PARD3B: variants seen among roughly 807,000 people sequenced by gnomAD.
PARD3B encodes the protein par-3 family cell polarity regulator beta.
PARD3B carries 103 observed loss-of-function variants against 130.2 expected under a neutral mutation model. The observed-to-expected ratio is 0.79, with a 90% CI of 0.67 to 0.93. The LOEUF (loss-of-function observed/expected upper bound fraction) is 0.93, where lower values mean the gene tolerates loss of function less well. PARD3B is among the 40% of genes least tolerant of loss of function. PARD3B has a pLI of 0.00. For synonymous variants in PARD3B, 583 were observed against 553.2 expected (o/e 1.05, Z -0.76); for missense variants, 1,609 against 1,499.2 (o/e 1.07, Z -1.21).
chr2:205,433,290 T>G (rs938310632), intron 19 of PARD3B, among the ~76,000 whole-genome samples: 2 of 152,198 alleles, frequency 1.3e-5, no homozygotes. Flanking sequence ...CCCAGCACTT[T>G]GGGAGGCCAA....
intron 10 of PARD3B, among the ~76,000 whole-genome samples, chr2:205,157,825 G>T (rs1013330337): frequency 1.3e-5 from 2 of 152,112 alleles, no homozygotes; most frequent in African/African-American, 4.8e-5. Flanking sequence ...GCAGAAGGGA[G>T]ACCCACAAAG....
At chr2:205,510,941 C>T (rs544031572) in intron 21 of PARD3B, among the ~76,000 whole-genome samples, 48 of 152,258 alleles carry the variant, frequency 3.2e-4, no homozygotes, top group African/African-American at 1.1e-3. Flanking sequence ...AAGACCTTGC[C>T]TCATGGCCAC....
At chr2:205,499,431 C>A (rs2050074865) in intron 20 of PARD3B, among the ~76,000 whole-genome samples, 1 of 152,108 alleles carries the variant, frequency 6.6e-6, no homozygotes, top group South Asian at 2.1e-4. Context: ...AACCCCCACT[C>A]CCAAAGTTCA....
chr2:204,802,551 T>C (rs918395440), intron 2 of PARD3B, among the ~76,000 whole-genome samples: 1 of 152,162 alleles, frequency 6.6e-6, no homozygotes. Flanking sequence ...TGTATGTCTA[T>C]TGCAACACTA....
At position 205,067,768 on chromosome 2, in the gene PARD3B, T is replaced by C. The variant is rs60688208; in HGVS notation, c.504+20078T>C. On this transcript the variant is annotated intron_variant, in intron 4 of 22. Transcript: ENST00000406610. Reference sequence around the variant, plus strand: ...GCTATTTCTGTGTTTATTTAGATGATGCTATTTTTTCTTTTATCACTGAAA... The same window carrying C: ...GCTATTTCTGTGTTTATTTAGATGACGCTATTTTTTCTTTTATCACTGAAA... Among the ~76,000 whole-genome samples, 1,332 of 152,300 alleles carry C rather than the reference T, an allele frequency of 8.7e-3. 17 individuals are homozygous for C. Among genetic ancestry groups the C allele is most frequent in the African/African-American group, 0.03 (1,264 of 41,556 alleles).
chr2:205,508,408 T>G (rs2050457161), intron 21 of PARD3B, among the ~76,000 whole-genome samples: 1 of 151,908 alleles, frequency 6.6e-6, no homozygotes, highest in Non-Finnish European at 1.5e-5. Context: ...CCTTTCTCTA[T>G]GAAAAATACC....
Position 205,047,193 on chromosome 2 carries a change from G to C in PARD3B, c.395-388G>C, listed in dbSNP as rs113368456. ...CAGTAATAACTATACTTCCAGCTCT[G>C]TTGAATGGCAAATTACACTGACTGT... is the stretch of plus-strand genomic sequence containing the variant. On this transcript the variant is annotated intron_variant, in intron 3 of 22. Coordinates refer to ENST00000406610, the MANE Select transcript of PARD3B (RefSeq NM_001302769.2). 1.4e-4 allele frequency among the ~76,000 whole-genome samples: 22 copies of C among 152,274 alleles called. 1 individual carries two copies. Among genetic ancestry groups the C allele is most frequent in the African/African-American group, 4.8e-4 (20 of 41,562 alleles).
At chr2:205,256,121 G>A (rs1200080238) in intron 16 of PARD3B, among the ~76,000 whole-genome samples, 1 of 151,994 alleles carries the variant, frequency 6.6e-6, no homozygotes. Flanking sequence ...CAGGAAATGA[G>A]AGGAAAACCA....
chr2:205,103,355 T>TATATTTTTATTTATGTAAAATAA (rs1702953509), intron 4 of PARD3B, among the ~76,000 whole-genome samples: 1 of 127,630 alleles, frequency 7.8e-6, no homozygotes, highest in Non-Finnish European at 1.7e-5. Context: ...GTAAAATAAA[T>TATATTTTTATTTATGTAAAATAA]ATATTTTTTA....
intron 1 of PARD3B, among the ~76,000 whole-genome samples, chr2:204,647,566 T>G (rs2125163103): frequency 6.6e-6 from 1 of 151,968 alleles, no homozygotes; most frequent in South Asian, 2.1e-4. Context: ...ATGGCCATAT[T>G]GCACTGTCTC....
chr2:205,003,227 G>A (rs540266279), intron 3 of PARD3B, among the ~76,000 whole-genome samples: 4 of 152,244 alleles, frequency 2.6e-5, no homozygotes, highest in Admixed American at 2.6e-4. Flanking sequence ...GATTACATTG[G>A]ACTGAGCCAT....
In PARD3B at chr2:205,331,782, C is replaced by CAAAAAAAAAAAAAAAAAAAA. The variant is rs56654511; in HGVS notation, c.2630+30085_2630+30104dup. Among the ~76,000 whole-genome samples the CAAAAAAAAAAAAAAAAAAAA allele has an allele frequency of 1.3e-3, 64 of 48,396 alleles. 8 individuals carry two copies. The highest frequency in any genetic ancestry group is 6.5e-3 in the African/African-American group (60 of 9,302). 31.7% of individuals were successfully genotyped at this position (48,396 alleles called of 152,430 possible). The stretch of plus-strand genomic sequence containing the variant: ...TGGGCGACAGAGTGAGACTCCGTCT[C>CAAAAAAAAAAAAAAAAAAAA]AAAAAAAAAAAAAAAAAAAAAAAGA... On this transcript the variant is annotated intron_variant, in intron 18 of 22. Coordinates refer to ENST00000406610, the MANE Select transcript of PARD3B (RefSeq NM_001302769.2).
At chr2:205,374,360 C>T (rs942343307) in intron 18 of PARD3B, among the ~76,000 whole-genome samples, 13 of 152,038 alleles carry the variant, frequency 8.6e-5, no homozygotes, top group African/African-American at 2.9e-4. Flanking sequence ...CTCCTGCCTC[C>T]TGAGTAGCTG....
intron 15 of PARD3B, among the ~76,000 whole-genome samples, chr2:205,228,283 C>T (rs2038664420): frequency 1.3e-5 from 2 of 152,146 alleles, no homozygotes; most frequent in African/African-American, 2.4e-5. Flanking sequence ...TCTTGTAGGA[C>T]ACATCTGGTG....
chr2:205,178,053 C>T (rs754554297), intron 13 of PARD3B, among the ~76,000 whole-genome samples: 1 of 144,472 alleles, frequency 6.9e-6, no homozygotes, highest in Non-Finnish European at 1.5e-5. Flanking sequence ...CGCCTGTAAT[C>T]CCAGCACTTT....
At chr2:204,621,268 A>T (rs912906446) in intron 1 of PARD3B, among the ~76,000 whole-genome samples, 2 of 152,202 alleles carry the variant, frequency 1.3e-5, no homozygotes, top group Non-Finnish European at 2.9e-5. Flanking sequence ...CTTCTAACGC[A>T]ATGCAGGACA....
chr2:205,615,968 G>A lies in PARD3B; in HGVS notation c.*155G>A. 3.1e-6 allele frequency: 2 copies of A among 654,646 alleles called. No individual in the cohort carries two copies. The highest frequency in any genetic ancestry group is 5.0e-6 in the Non-Finnish European group (2 of 400,018). 40.6% of individuals were successfully genotyped at this position (654,646 alleles called of 1,614,324 possible). Reference sequence around the variant, plus strand: ...TTGTAACGCATGACTGCTAATCAGAGAGAAAAAGAAGGGGAAGGGAATTGG... The same window carrying A: ...TTGTAACGCATGACTGCTAATCAGAAAGAAAAAGAAGGGGAAGGGAATTGG... On this transcript the variant is annotated 3_prime_UTR_variant, in exon 23 of 23. Coordinates refer to ENST00000406610, the MANE Select transcript of PARD3B (RefSeq NM_001302769.2).
In PARD3B at chr2:205,121,995, TA is replaced by T. The variant is rs746122539; in HGVS notation, c.1165+50del. 2 of 1,467,188 alleles carry T rather than the reference TA, an allele frequency of 1.4e-6. No homozygotes were observed. Among genetic ancestry groups the T allele is most frequent in the Non-Finnish European group, 1.8e-6 (2 of 1,083,534 alleles). 90.9% of individuals were successfully genotyped at this position (1,467,188 alleles called of 1,614,324 possible). A position where few individuals can be genotyped will look rare whatever the true frequency, so the allele number is the denominator to read the frequency against. The stretch of plus-strand genomic sequence containing the variant: ...AATAGCATTCTATTATTGTAACATG[TA>T]AAATTGGTTAAGAGAAATGCATTAA... On this transcript the variant is annotated intron_variant, in intron 8 of 22. Coordinates refer to ENST00000406610, the MANE Select transcript of PARD3B (RefSeq NM_001302769.2). This position sits in a 1 kb window ranked among gnomAD's most constrained non-coding sequence, Gnocchi z 5.0.
chr2:204,658,552 G>T (rs552174809), intron 1 of PARD3B, among the ~76,000 whole-genome samples: 58 of 152,108 alleles, frequency 3.8e-4, no homozygotes, highest in Non-Finnish European at 7.1e-4. Flanking sequence ...CACTTTGTCA[G>T]TTACCTCAAA....
Sources: gnomAD v4.1 joint callset for allele counts (sites outside exome capture counted in the v4.1 genomes callset) on GRCh38, gnomAD v4.1.1 for gene constraint, Gnocchi (gnomAD v3.1) non-coding constraint, MANE v1.5 for transcripts, NCBI Gene and HGNC (gene_info 2026-07-23, HGNC 2026-07-21) for gene names.